ZMIZ1: variants seen among roughly 807,000 people sequenced by gnomAD.
The protein encoded by ZMIZ1 is zinc finger MIZ domain-containing protein 1.
ZMIZ1 carries 17 observed loss-of-function variants against 113.9 expected under a neutral mutation model. The observed-to-expected ratio is 0.15, with a 90% CI of 0.10 to 0.22. ZMIZ1 has a LOEUF of 0.22. Among genes scored for constraint, ZMIZ1 ranks in the 10% least tolerant of loss-of-function variants. The probability of loss-of-function intolerance (pLI) is 1.00; values close to 1 mark genes in which losing one functional copy is unlikely to be tolerated. For missense variants in ZMIZ1, 1,059 were observed against 1,477.8 expected, an observed-to-expected ratio of 0.72 and a Z score of 4.65; for synonymous variants, 607 against 603.1, an observed-to-expected ratio of 1.01 and a Z score of -0.09.
intron 4 of ZMIZ1, among the ~76,000 whole-genome samples, chr10:79,177,021 C>G (rs2132553594): frequency 6.6e-6 from 1 of 152,346 alleles, no homozygotes; most frequent in African/African-American, 2.4e-5. Flanking sequence ...AAGAGGCCCC[C>G]TGGGTCCTGG....
rs1388815287 is a variant in ZMIZ1, at chr10:79,158,083, G to A, written c.-130-3970G>A. On this transcript the variant is annotated intron_variant, in intron 3 of 24. Transcript: ENST00000334512. ...TGACCACCGTTCTGATCCCCACTTG[G>A]CCACTTATAACCTTGAGCAATTACC... Among the ~76,000 whole-genome samples, 4 of 152,280 alleles carry A rather than the reference G, an allele frequency of 2.6e-5. 1 individual carries two copies. The highest frequency in any genetic ancestry group is 2.6e-4 in the Admixed American group (4 of 15,298).
In ZMIZ1 at chr10:79,128,731, A is replaced by C. The variant is rs929030189; in HGVS notation, c.-227+9707A>C. ...TTGCCAATCCCCAGGGCACCTCCAG[A>C]GTGGCCTGTGTGTTTGTCCAGTTCT... On this transcript the variant is annotated intron_variant, in intron 2 of 24. Transcript: ENST00000334512. 2.0e-5 allele frequency among the ~76,000 whole-genome samples: 3 copies of C among 152,182 alleles called. 1 individual carries two copies. Among genetic ancestry groups the C allele is most frequent in the Non-Finnish European group, 4.4e-5 (3 of 68,032 alleles).
intron 4 of ZMIZ1, among the ~76,000 whole-genome samples, chr10:79,166,060 C>T (rs1235481541): frequency 7.1e-6 from 1 of 140,984 alleles, no homozygotes; most frequent in Non-Finnish European, 1.5e-5. Context: ...GTCCCATCTC[C>T]CCGTGGCTGT....
rs1855331359 is a variant in ZMIZ1 at position 79,313,408 on chromosome 10, G to A, written c.*659G>A. 6.4e-6 allele frequency: 1 copy of A among 156,524 alleles called. No individual in the cohort carries two copies. Among genetic ancestry groups the A allele is most frequent in the Non-Finnish European group, 1.4e-5 (1 of 71,048 alleles). 9.7% of individuals were successfully genotyped at this position (156,524 alleles called of 1,614,324 possible). On this transcript the variant is annotated 3_prime_UTR_variant, in exon 25 of 25. Coordinates refer to ENST00000334512, the MANE Select transcript of ZMIZ1 (RefSeq NM_020338.4). ...AACACACTCAGAAAGCAGAGAAAAA[G>A]GACAAGAGTCTGTGTTTGAGAGGGG...
chr10:79,248,249 T>C (rs1325501), intron 7 of ZMIZ1, among the ~76,000 whole-genome samples: 3,169 of 152,222 alleles, frequency 0.021, 108 homozygotes, highest in African/African-American at 0.072. Flanking sequence ...AGGTGAAACT[T>C]GATTTTGGAA....
intron 1 of ZMIZ1, among the ~76,000 whole-genome samples, chr10:79,106,540 C>T (rs956474795): frequency 1.7e-4 from 26 of 152,258 alleles, no homozygotes; most frequent in African/African-American, 6.0e-4. Context: ...CAGCACCCAG[C>T]TTGGCGATCA....
In ZMIZ1 at chr10:79,108,887, G is replaced by A. The variant is rs1261947929; in HGVS notation, c.-336-10028G>A. ...GCTCCTGGGGCTGACCACCACCGAGGCCCCTGTGCATGCATGTGCACATGC... is the reference window on the plus strand; with the variant it reads ...GCTCCTGGGGCTGACCACCACCGAGACCCCTGTGCATGCATGTGCACATGC... On this transcript the variant is annotated intron_variant, in intron 1 of 24. Transcript: ENST00000334512. Among the ~76,000 whole-genome samples, 7 of 152,012 alleles carry A rather than the reference G, an allele frequency of 4.6e-5. No individual in the cohort carries two copies. In the East Asian group the frequency reaches 1.4e-3, roughly 29 times the overall value.
At chr10:79,272,076 CTGGCCAACA>C (rs796135086) in intron 7 of ZMIZ1, among the ~76,000 whole-genome samples, 1 of 152,110 alleles carries the variant, frequency 6.6e-6, no homozygotes, top group East Asian at 1.9e-4. Context: ...CGAAACCAGC[CTGGCCAACA>C]TGGCAAAACT....
intron 1 of ZMIZ1, among the ~76,000 whole-genome samples, chr10:79,094,955 A>G (rs1166602510): frequency 7.2e-6 from 1 of 139,468 alleles, no homozygotes; most frequent in Non-Finnish European, 1.6e-5. Context: ...CCCCTCCTGG[A>G]AAAAAAAAAA....
Position 79,282,048 on chromosome 10 carries a change from T to C in ZMIZ1, c.425+4723T>C, listed in dbSNP as rs74574064. On this transcript the variant is annotated intron_variant, in intron 8 of 24. Coordinates refer to ENST00000334512, the MANE Select transcript of ZMIZ1 (RefSeq NM_020338.4). ...CCCAGGCTATTCTGAGGACACGTTG[T>C]GGTTAGGCAATTGAAAGTTACACAG... Among the ~76,000 whole-genome samples, 22 of 152,334 alleles carry C rather than the reference T, an allele frequency of 1.4e-4. No homozygotes were observed. The East Asian group carries it at 4.2e-3, about 29-fold the overall frequency.
At chr10:79,078,976 G>A (rs1842571941) in intron 1 of ZMIZ1, among the ~76,000 whole-genome samples, 1 of 152,232 alleles carries the variant, frequency 6.6e-6, no homozygotes, top group African/African-American at 2.4e-5. Context: ...ACCTACTGAA[G>A]AACCACCTTT....
At chr10:79,238,743 C>G (rs1293681851) in intron 7 of ZMIZ1, among the ~76,000 whole-genome samples, 1 of 152,178 alleles carries the variant, frequency 6.6e-6, no homozygotes, top group African/African-American at 2.4e-5. Flanking sequence ...CATTTAAACC[C>G]TTGGGCAAAT....
chr10:79,127,140 T>C (rs923163987), intron 2 of ZMIZ1, among the ~76,000 whole-genome samples: 5 of 152,188 alleles, frequency 3.3e-5, no homozygotes, highest in African/African-American at 1.2e-4. Flanking sequence ...TATTTATTCC[T>C]TCCCAAGGCT....
chr10:79,188,219 C>G (rs1265136210), intron 4 of ZMIZ1, among the ~76,000 whole-genome samples: 4 of 152,214 alleles, frequency 2.6e-5, no homozygotes, highest in Non-Finnish European at 5.9e-5. Flanking sequence ...GGTAGAGAAT[C>G]CTGCCTGCTG....
At chr10:79,138,620 T>C (rs963675932) in intron 2 of ZMIZ1, among the ~76,000 whole-genome samples, 2 of 152,196 alleles carry the variant, frequency 1.3e-5, no homozygotes, top group African/African-American at 4.8e-5. Context: ...CTTGGCCTGA[T>C]ACAATGACCA....
intron 4 of ZMIZ1, among the ~76,000 whole-genome samples, chr10:79,164,584 C>T (rs1003832965): frequency 5.3e-5 from 8 of 152,222 alleles, no homozygotes; most frequent in Non-Finnish European, 1.5e-5. Context: ...GATGAAAGGA[C>T]AGTCTTGCTT....
chr10:79,123,578 T>G (rs552618818), intron 2 of ZMIZ1, among the ~76,000 whole-genome samples: 64 of 152,224 alleles, frequency 4.2e-4, no homozygotes, highest in African/African-American at 1.5e-3. Flanking sequence ...GTGCGGTCTT[T>G]TAAGAGAAGG....
At chr10:79,276,585 G>T (rs1313152531) in intron 7 of ZMIZ1, among the ~76,000 whole-genome samples, 2 of 148,382 alleles carry the variant, frequency 1.3e-5, no homozygotes, top group Non-Finnish European at 3.0e-5. Context: ...GGGACCAACC[G>T]TGGGTGTGAC....
At chr10:79,305,300 T>C in intron 20 of ZMIZ1, 69 bp downstream of exon 20, 3 of 1,553,804 alleles carry the variant, frequency 1.9e-6, no homozygotes, top group Non-Finnish European at 2.7e-6. Flanking sequence ...GCCAGCTACC[T>C]CCCACCTCCA....
Sources: allele counts gnomAD v4.1 joint callset (sites outside exome capture counted in the v4.1 genomes callset), GRCh38; gene constraint gnomAD v4.1.1; transcripts MANE v1.5; gene names NCBI Gene and HGNC (gene_info 2026-07-23, HGNC 2026-07-21).